The following RBFOX1 variants were observed in gnomAD, a reference collection of about 807,000 sequenced individuals.
RBFOX1 encodes RNA binding protein fox-1 homolog 1.
RBFOX1 carries 8 observed loss-of-function variants against 57.7 expected under a neutral mutation model. That is an observed-to-expected ratio of 0.14 (90% CI 0.08 to 0.25). The LOEUF is 0.25. Among genes scored for constraint, RBFOX1 ranks in the 10% least tolerant of loss-of-function variants. The pLI is 1.00. For missense variants in RBFOX1, 611 were observed against 548.5 expected, an observed-to-expected ratio of 1.11 and a Z score of -1.14; for synonymous variants, 326 against 222.4, an observed-to-expected ratio of 1.47 and a Z score of -4.15.
chr16:7,185,776 C>A (rs879921740), intron 4 of RBFOX1, among the ~76,000 whole-genome samples: 4 of 152,172 alleles, frequency 2.6e-5, no homozygotes, highest in African/African-American at 9.7e-5. Context: ...ACTGTAAAGT[C>A]TTTACACTGG....
At chr16:6,128,755 G>A (rs2096608219) in intron 1 of RBFOX1, among the ~76,000 whole-genome samples, 1 of 152,216 alleles carries the variant, frequency 6.6e-6, no homozygotes, top group African/African-American at 2.4e-5. Context: ...GAGATCAGTT[G>A]ATGCAGTGCT....
At chr16:7,030,585 T>C (rs1311391867) in intron 3 of RBFOX1, among the ~76,000 whole-genome samples, 1 of 152,166 alleles carries the variant, frequency 6.6e-6, no homozygotes, top group Non-Finnish European at 1.5e-5. Flanking sequence ...TTTCTCTGTG[T>C]GTTCTTTGCT....
At chr16:6,634,916 A>G (rs1194344135) in intron 2 of RBFOX1, among the ~76,000 whole-genome samples, 9 of 121,406 alleles carry the variant, frequency 7.4e-5, no homozygotes, top group Admixed American at 1.6e-4. Flanking sequence ...ATTTTAATTT[A>G]TATAATATAA....
intron 1 of RBFOX1, among the ~76,000 whole-genome samples, chr16:6,314,491 C>T (rs1160381504): frequency 6.6e-6 from 1 of 152,172 alleles, no homozygotes; most frequent in African/African-American, 2.4e-5. Context: ...AGTCTCAAGA[C>T]TCCAGACCTT....
intron 2 of RBFOX1, among the ~76,000 whole-genome samples, chr16:6,354,546 C>G (rs543877856): frequency 2.8e-4 from 43 of 152,308 alleles, no homozygotes; most frequent in African/African-American, 9.6e-4. Context: ...CAGGACCAAA[C>G]TCCTTCCTAT....
intron 4 of RBFOX1, among the ~76,000 whole-genome samples, chr16:6,002,861 A>C (rs1376017323): frequency 1.3e-5 from 2 of 151,500 alleles, no homozygotes; most frequent in Non-Finnish European, 2.9e-5. Flanking sequence ...TTGTGTGTTA[A>C]ATATCCTCTG....
intron 2 of RBFOX1, among the ~76,000 whole-genome samples, chr16:6,644,570 G>T (rs1356062735): frequency 6.6e-6 from 1 of 152,170 alleles, no homozygotes; most frequent in Non-Finnish European, 1.5e-5. Context: ...AGCTCTCTGG[G>T]ACTTTGTATT....
intron 2 of RBFOX1, among the ~76,000 whole-genome samples, chr16:6,564,749 A>G (rs2097234727): frequency 6.6e-6 from 1 of 152,160 alleles, no homozygotes; most frequent in Non-Finnish European, 1.5e-5. Context: ...GGATGTGTTA[A>G]TTTATTTGAT....
chr16:5,658,534 T>C (rs548685305), intron 3 of RBFOX1, among the ~76,000 whole-genome samples: 1 of 152,090 alleles, frequency 6.6e-6, no homozygotes, highest in Non-Finnish European at 1.5e-5. Context: ...GGTCATTCGT[T>C]CTCTGGGTAT....
intron 1 of RBFOX1, among the ~76,000 whole-genome samples, chr16:5,459,014 T>G (rs1308819351): frequency 6.6e-6 from 1 of 152,192 alleles, no homozygotes; most frequent in Non-Finnish European, 1.5e-5. Flanking sequence ...CATGTGATGT[T>G]CCATATCCCA....
intron 4 of RBFOX1, among the ~76,000 whole-genome samples, chr16:7,200,508 AC>A (rs1160127982): frequency 1.3e-5 from 2 of 152,164 alleles, no homozygotes; most frequent in Admixed American, 1.3e-4. Flanking sequence ...GTTGCAATAT[AC>A]CCCACAGACA....
intron 3 of RBFOX1, among the ~76,000 whole-genome samples, chr16:6,861,491 C>CT (rs955137666): frequency 2.0e-5 from 3 of 151,204 alleles, no homozygotes; most frequent in South Asian, 4.2e-4. Context: ...ACCCCCTCCC[C>CT]CCCCGACTCA....
intron 1 of RBFOX1, among the ~76,000 whole-genome samples, chr16:5,277,051 A>G (rs2065216594): frequency 6.6e-6 from 1 of 152,228 alleles, no homozygotes; most frequent in African/African-American, 2.4e-5. Flanking sequence ...CCAAATGCCC[A>G]TCAGTCAATT....
intron 3 of RBFOX1, among the ~76,000 whole-genome samples, chr16:6,828,394 C>G (rs1313576019): frequency 1.3e-5 from 2 of 151,944 alleles, no homozygotes; most frequent in East Asian, 3.9e-4. Context: ...CATGGTGACA[C>G]AGGCCTTTAG....
chr16:6,786,574 A>G (rs1028855764), intron 3 of RBFOX1, among the ~76,000 whole-genome samples: 6 of 152,166 alleles, frequency 3.9e-5, no homozygotes, highest in Middle Eastern at 3.2e-3. Context: ...AACCTCTCCA[A>G]AAATTAATAA....
chr16:5,460,476 A>T (rs888130177), intron 1 of RBFOX1, among the ~76,000 whole-genome samples: 1 of 152,192 alleles, frequency 6.6e-6, no homozygotes, highest in Non-Finnish European at 1.5e-5. Flanking sequence ...CACATCACAT[A>T]GATAAGTTTT....
At chr16:7,666,627 A>G (rs2069383899) in intron 13 of RBFOX1, among the ~76,000 whole-genome samples, 1 of 152,196 alleles carries the variant, frequency 6.6e-6, no homozygotes, top group Non-Finnish European at 1.5e-5. Flanking sequence ...AAGGAAAAAG[A>G]AGGGACTCAT....
intron 1 of RBFOX1, among the ~76,000 whole-genome samples, chr16:6,050,449 C>A (rs1223509455): frequency 1.3e-5 from 2 of 152,124 alleles, no homozygotes; most frequent in Non-Finnish European, 2.9e-5. Context: ...CCTTTGTATT[C>A]TTTTAAATTA....
intron 3 of RBFOX1, among the ~76,000 whole-genome samples, chr16:5,675,470 G>C (rs925568577): frequency 1.3e-5 from 2 of 152,220 alleles, no homozygotes; most frequent in African/African-American, 4.8e-5. Flanking sequence ...CACGTGCCCA[G>C]TGGGAAGAAG....
Sources: gnomAD v4.1 joint callset for allele counts (sites outside exome capture counted in the v4.1 genomes callset) on GRCh38, gnomAD v4.1.1 for gene constraint, MANE v1.5 for transcripts, NCBI Gene and HGNC (gene_info 2026-07-23, HGNC 2026-07-21) for gene names.